FAT3: variants seen among roughly 807,000 people sequenced by gnomAD.
FAT3 encodes FAT atypical cadherin 3, also known as protocadherin Fat 3.
FAT3 carries 95 observed loss-of-function variants against 310.2 expected under a neutral mutation model. The observed-to-expected ratio is 0.31, with a 90% confidence interval of 0.26 to 0.36. FAT3 has a LOEUF of 0.36. Among genes scored for constraint, FAT3 ranks in the 10% least tolerant of loss-of-function variants. The pLI, the probability that FAT3 is intolerant of heterozygous loss-of-function variation, is 1.00. For missense variants in FAT3, 5,408 were observed against 5,715.6 expected (o/e 0.95, Z 1.74); for synonymous variants, 2,314 against 2,192.9 (o/e 1.06, Z -1.54).
chr11:92,872,378 C>T (rs569396267), intron 22 of FAT3, among the ~76,000 whole-genome samples: 4 of 152,338 alleles, frequency 2.6e-5, no homozygotes, highest in African/African-American at 9.6e-5. Flanking sequence ...GAACAGGGTT[C>T]CCCTACATGC....
rs1011882431 is a variant in FAT3 at position 92,618,358 on chromosome 11, G to A, written c.3608-79026G>A. 4.6e-5 allele frequency among the ~76,000 whole-genome samples: 7 copies of A among 152,162 alleles called. No individual in the cohort carries two copies. The South Asian group carries it at 6.2e-4, about 13-fold the overall frequency. Reference sequence around the variant, plus strand: ...GCAGTATTAGGGGTGGGAGTGTCCCGATTTTCCAGATACCATCTGTCATGG... The same window carrying A: ...GCAGTATTAGGGGTGGGAGTGTCCCAATTTTCCAGATACCATCTGTCATGG... On this transcript the variant is annotated intron_variant, in intron 3 of 27. Transcript: ENST00000525166.
At chr11:92,814,585 A>G (rs751040151) in intron 13 of FAT3, among the ~76,000 whole-genome samples, 12 of 152,194 alleles carry the variant, frequency 7.9e-5, no homozygotes, top group Non-Finnish European at 1.3e-4. Flanking sequence ...ATGACCCAAC[A>G]TTTATAAAAA....
chr11:92,793,806 C>T (rs1433517079), intron 9 of FAT3, among the ~76,000 whole-genome samples: 2 of 151,986 alleles, frequency 1.3e-5, no homozygotes, highest in Non-Finnish European at 2.9e-5. Flanking sequence ...CCTTTCATGC[C>T]AGGGATGGAA....
intron 1 of FAT3, among the ~76,000 whole-genome samples, chr11:92,265,261 T>C (rs893175571): frequency 3.3e-5 from 5 of 151,738 alleles, no homozygotes; most frequent in Non-Finnish European, 1.5e-5. Flanking sequence ...GGAACAAAAA[T>C]TGTTAAGGAA....
At chr11:92,747,432 A>G (rs1449540789) in intron 4 of FAT3, among the ~76,000 whole-genome samples, 1 of 152,220 alleles carries the variant, frequency 6.6e-6, no homozygotes, top group East Asian at 1.9e-4. Flanking sequence ...CCCTGGGCCC[A>G]GCCCACAAAA....
At chr11:92,285,642 C>A (rs532690510) in intron 1 of FAT3, among the ~76,000 whole-genome samples, 108 of 152,262 alleles carry the variant, frequency 7.1e-4, no homozygotes, top group African/African-American at 2.4e-3. Context: ...TCTTAACCAA[C>A]TTCTAATGTA....
chr11:92,357,969 G>A (rs1948777948), intron 2 of FAT3, among the ~76,000 whole-genome samples: 1 of 149,230 alleles, frequency 6.7e-6, no homozygotes, highest in African/African-American at 2.5e-5. Flanking sequence ...AGGAGTCCCA[G>A]ACTAGCTTGG....
intron 21 of FAT3, among the ~76,000 whole-genome samples, chr11:92,859,595 A>C (rs1400132575): frequency 6.6e-6 from 1 of 152,168 alleles, no homozygotes; most frequent in Non-Finnish European, 1.5e-5. Flanking sequence ...ATCGCTCAAC[A>C]GTTCATTAGA....
chr11:92,477,214 AT>A (rs1357688958), intron 2 of FAT3, among the ~76,000 whole-genome samples: 2 of 152,210 alleles, frequency 1.3e-5, no homozygotes, highest in Non-Finnish European at 2.9e-5. Context: ...TTCTATGGTA[AT>A]GTGAGACTGC....
intron 1 of FAT3, among the ~76,000 whole-genome samples, chr11:92,242,162 CTT>C (rs1864690951): frequency 6.6e-6 from 1 of 152,038 alleles, no homozygotes. Context: ...GGATTTGACT[CTT>C]TTCAAGGATT....
intron 1 of FAT3, chr11:92,336,110 T>C (rs1654725007): frequency 1.9e-6 from 1 of 522,950 alleles, no homozygotes. Flanking sequence ...CTTTGGCCTC[T>C]CGGTATTTCA....
intron 1 of FAT3, among the ~76,000 whole-genome samples, chr11:92,327,185 T>C (rs1947789391): frequency 6.6e-6 from 1 of 152,164 alleles, no homozygotes; most frequent in Non-Finnish European, 1.5e-5. Flanking sequence ...AAAAGACTTA[T>C]GTAGGCTTCC....
chr11:92,404,490 CAT>C (rs1950094400), intron 2 of FAT3, among the ~76,000 whole-genome samples: 13 of 151,474 alleles, frequency 8.6e-5, no homozygotes, highest in Admixed American at 7.2e-4. Context: ...AGTGAGTGTT[CAT>C]TTGACCTTTG....
intron 3 of FAT3, among the ~76,000 whole-genome samples, chr11:92,693,351 A>G (rs1943848611): frequency 6.6e-6 from 1 of 152,200 alleles, no homozygotes; most frequent in Non-Finnish European, 1.5e-5. Context: ...CAGTGGGTCT[A>G]CAGTTACATG....
rs759322082 is a variant in FAT3 at position 92,867,131 on chromosome 11, G to A, written c.12049G>A (p.Gly4017Ser). Reference sequence around the variant, plus strand: ...GGTGGGCCTGACGGAGCTGAAGCTGGGCTGCGTGCTCTATCCCGACGCCTG... The same window carrying A: ...GGTGGGCCTGACGGAGCTGAAGCTGAGCTGCGTGCTCTATCCCGACGCCTG... Reference protein sequence around the residue: ...EVVGLTELKLGCVLYPDACKR... With the variant: ...EVVGLTELKLSCVLYPDACKR... The change falls in exon 22 of 28, where the codon GGC (glycine) becomes AGC (serine). Residue 4017 changes from glycine (G) to serine (S), a missense_variant. This residue lies in a region of FAT3 where 4,588 missense variants were observed against 4,809.8 expected (regional missense o/e 0.95). Transcript: ENST00000525166. The A allele has an allele frequency of 1.2e-5, 19 of 1,602,572 alleles. No individual in the cohort carries two copies. Among genetic ancestry groups the A allele is most frequent in the Non-Finnish European group, 1.5e-5 (18 of 1,175,620 alleles).
At chr11:92,309,214 T>C (rs1156538010) in intron 1 of FAT3, among the ~76,000 whole-genome samples, 2 of 136,922 alleles carry the variant, frequency 1.5e-5, no homozygotes, top group African/African-American at 2.7e-5. Flanking sequence ...TGCCCCAGAG[T>C]GCACCGGCTT....
intron 2 of FAT3, among the ~76,000 whole-genome samples, chr11:92,487,862 G>T (rs1441960323): frequency 6.6e-6 from 1 of 152,172 alleles, no homozygotes; most frequent in East Asian, 1.9e-4. Flanking sequence ...TCATCTGGAA[G>T]ACTTGCCAAA....
At chr11:92,230,979 G>A (rs1051670377) in intron 1 of FAT3, among the ~76,000 whole-genome samples, 1 of 152,220 alleles carries the variant, frequency 6.6e-6, no homozygotes, top group Admixed American at 6.5e-5. Flanking sequence ...TCAGGGGGCA[G>A]TGCAGAGCTC....
chr11:92,782,037 T>A (rs186454750), intron 7 of FAT3, among the ~76,000 whole-genome samples: 1 of 152,134 alleles, frequency 6.6e-6, no homozygotes, highest in Non-Finnish European at 1.5e-5. Flanking sequence ...AGGCCAGGCA[T>A]GGTGGCTCAC....
Sources: allele counts gnomAD v4.1 joint callset (sites outside exome capture counted in the v4.1 genomes callset), GRCh38; gene constraint gnomAD v4.1.1; regional missense constraint gnomAD v4.1.1; transcripts MANE v1.5; gene names NCBI Gene and HGNC (gene_info 2026-07-23, HGNC 2026-07-21).